Variants in ARHGAP24 observed in about 807,000 individuals in gnomAD.
ARHGAP24 encodes the protein rho GTPase-activating protein 24.
A neutral mutation model predicts 76.4 loss-of-function variants in ARHGAP24; 50 were observed. The ratio of observed to expected loss-of-function variants is 0.65; its 90% CI spans 0.52 to 0.83. The LOEUF is 0.83. ARHGAP24 is among the 40% of genes least tolerant of loss of function. The pLI is 0.00. For synonymous variants in ARHGAP24, 345 were observed against 323.3 expected (o/e 1.07, Z -0.72); for missense variants, 930 against 914.2 (o/e 1.02, Z -0.22).
At chr4:85,996,734 G>T (rs1740684104) in intron 9 of ARHGAP24, among the ~76,000 whole-genome samples, 1 of 152,060 alleles carries the variant, frequency 6.6e-6, no homozygotes, top group South Asian at 2.1e-4. Flanking sequence ...GAGATTTAAA[G>T]AAAAATATAG....
chr4:85,728,666 C>A (rs936913442), intron 3 of ARHGAP24, among the ~76,000 whole-genome samples: 1 of 152,070 alleles, frequency 6.6e-6, no homozygotes, highest in African/African-American at 2.4e-5. Context: ...AAAACTTCAA[C>A]CTACTTAGAT....
chr4:85,772,427 C>G (rs1349922289), intron 3 of ARHGAP24, among the ~76,000 whole-genome samples: 3 of 152,172 alleles, frequency 2.0e-5, no homozygotes, highest in Non-Finnish European at 4.4e-5. Context: ...TCGGCATTTT[C>G]TCTTGTTTGA....
At chr4:85,966,266 A>T (rs1018010248) in intron 5 of ARHGAP24, among the ~76,000 whole-genome samples, 2 of 152,150 alleles carry the variant, frequency 1.3e-5, no homozygotes, top group African/African-American at 2.4e-5. Context: ...CCATTACATT[A>T]GGAGTTAGGG....
chr4:85,984,883 T>C (rs1357965542), intron 8 of ARHGAP24, among the ~76,000 whole-genome samples: 1 of 152,128 alleles, frequency 6.6e-6, no homozygotes, highest in Non-Finnish European at 1.5e-5. Context: ...AAGGCAGTGG[T>C]GCAATCTCGG....
At chr4:85,838,472 G>A (rs1294107536) in intron 3 of ARHGAP24, among the ~76,000 whole-genome samples, 6 of 152,242 alleles carry the variant, frequency 3.9e-5, no homozygotes, top group East Asian at 1.9e-4. Flanking sequence ...GGTGGTGGGC[G>A]CCTGTAGTCC....
At chr4:85,817,342 C>A (rs949062270) in intron 3 of ARHGAP24, among the ~76,000 whole-genome samples, 3 of 152,132 alleles carry the variant, frequency 2.0e-5, no homozygotes, top group Admixed American at 6.5e-5. Context: ...ATTGCCCAGA[C>A]CAATGTCAAA....
In ARHGAP24 at chr4:85,892,210, C is replaced by G. The variant is rs1458248411; in HGVS notation, c.269-31438C>G. On this transcript the variant is annotated intron_variant, in intron 3 of 9. Transcript: ENST00000395184. ...TTCTGTGGGATCTATGGTGATATCC[C>G]CTTTATCATTTTTTATTGTGTCTAT... is the stretch of plus-strand genomic sequence containing the variant. Among the ~76,000 whole-genome samples the G allele has an allele frequency of 3.1e-5, 2 of 63,492 alleles. 1 individual carries two copies. Among genetic ancestry groups the G allele is most frequent in the African/African-American group, 1.4e-4 (2 of 14,664 alleles). 41.7% of individuals were successfully genotyped at this position (63,492 alleles called of 152,430 possible).
chr4:85,483,992 A>G (rs1722922480), intron 1 of ARHGAP24, among the ~76,000 whole-genome samples: 1 of 152,224 alleles, frequency 6.6e-6, no homozygotes, highest in African/African-American at 2.4e-5. Flanking sequence ...CATATATCTA[A>G]ATACTTAAGA....
At chr4:85,778,659 T>C (rs1655271989) in intron 3 of ARHGAP24, 15 of 982,076 alleles carry the variant, frequency 1.5e-5, no homozygotes, top group Middle Eastern at 1.0e-3. Context: ...AAGGTATATT[T>C]CCTTGTAGGT....
Position 85,690,202 on chromosome 4 carries a change from TGATATTCTTCAGA to T in ARHGAP24, c.181-31675_181-31663del, listed in dbSNP as rs796187717. On this transcript the variant is annotated intron_variant, in intron 2 of 9. Coordinates refer to ENST00000395184, the MANE Select transcript of ARHGAP24 (RefSeq NM_001025616.3). ...CAGTCTTTGTTGCGGATTTTTGCAT[TGATATTCTTCAGA>T]GATATTCATCAGAGATATTCATCAG... is the stretch of plus-strand genomic sequence containing the variant. 7.0e-3 allele frequency among the ~76,000 whole-genome samples: 805 copies of T among 114,736 alleles called. 7 individuals carry two copies. The highest frequency in any genetic ancestry group is 0.023 in the African/African-American group (759 of 33,240). The allele number at this position is 114,736 out of a possible 152,430, so 75.3% of individuals were successfully genotyped here. A position where few individuals can be genotyped will look rare whatever the true frequency, so the allele number is the denominator to read the frequency against.
chr4:85,739,188 G>A (rs966233791), intron 3 of ARHGAP24, among the ~76,000 whole-genome samples: 3 of 152,104 alleles, frequency 2.0e-5, no homozygotes, highest in Admixed American at 2.0e-4. Flanking sequence ...CTTCTTGCTT[G>A]CCTCCCTCTC....
chr4:85,636,313 A>G (rs527275607), intron 2 of ARHGAP24, among the ~76,000 whole-genome samples: 31 of 151,950 alleles, frequency 2.0e-4, no homozygotes, highest in Admixed American at 1.1e-3. Context: ...CAGTAAATTA[A>G]TAATATAAGC....
chr4:85,676,092 T>C (rs10433935), intron 2 of ARHGAP24, among the ~76,000 whole-genome samples: 14,535 of 152,270 alleles, frequency 0.095, 910 homozygotes, highest in South Asian at 0.17. Flanking sequence ...TAAGTTTTCA[T>C]TGCATAATTT....
chr4:85,600,638 A>G (rs1380674015), intron 2 of ARHGAP24, among the ~76,000 whole-genome samples: 1 of 152,228 alleles, frequency 6.6e-6, no homozygotes, highest in African/African-American at 2.4e-5. Context: ...TAGATCACAC[A>G]TGGCAAAGTA....
At chr4:85,837,380 A>T (rs957347019) in intron 3 of ARHGAP24, among the ~76,000 whole-genome samples, 1 of 152,110 alleles carries the variant, frequency 6.6e-6, no homozygotes, top group Admixed American at 6.5e-5. Context: ...ATCATTCTTT[A>T]AGTGATTGAA....
intron 3 of ARHGAP24, among the ~76,000 whole-genome samples, chr4:85,743,415 AAAAAAAAAAAAAAAAAAAG>A: frequency 7.6e-6 from 1 of 130,848 alleles, no homozygotes; most frequent in African/African-American, 3.2e-5. Context: ...AAAAAAAAAA[AAAAAAAAAAAAAAAAAAAG>A]GCTGGGCATG....
chr4:85,957,725 G>A (rs1738001193), intron 5 of ARHGAP24, among the ~76,000 whole-genome samples: 1 of 152,118 alleles, frequency 6.6e-6, no homozygotes, highest in Non-Finnish European at 1.5e-5. Flanking sequence ...ACTCACAAGA[G>A]TTCCATGAAA....
At chr4:85,771,682 A>C (rs1727134584) in intron 3 of ARHGAP24, among the ~76,000 whole-genome samples, 1 of 152,120 alleles carries the variant, frequency 6.6e-6, no homozygotes, top group South Asian at 2.1e-4. Flanking sequence ...GCATTGTTCT[A>C]TACCTCTTTT....
chr4:85,738,454 A>C (rs555218394), intron 3 of ARHGAP24, among the ~76,000 whole-genome samples: 57 of 149,234 alleles, frequency 3.8e-4, no homozygotes, highest in African/African-American at 1.2e-3. Context: ...TATATAGTCT[A>C]GGTACAAACC....
Sources: gnomAD v4.1 joint callset for allele counts (sites outside exome capture counted in the v4.1 genomes callset) on GRCh38, gnomAD v4.1.1 for gene constraint, MANE v1.5 for transcripts, NCBI Gene and HGNC (gene_info 2026-07-23, HGNC 2026-07-21) for gene names.